Variants in OR9Q1 observed in about 807,000 individuals in gnomAD.
OR9Q1 encodes the protein olfactory receptor family 9 subfamily Q member 1.
For missense variants in OR9Q1, 374 were observed against 378.8 expected, an observed-to-expected ratio of 0.99 and a Z score of 0.11; for synonymous variants, 153 against 148.6, an observed-to-expected ratio of 1.03 and a Z score of -0.22.
intron 2 of OR9Q1, among the ~76,000 whole-genome samples, chr11:58,089,539 T>C (rs1853664830): frequency 6.6e-6 from 1 of 151,846 alleles, no homozygotes; most frequent in Admixed American, 6.6e-5. Flanking sequence ...AGTACCATGC[T>C]TTTTGATTAC....
chr11:58,105,747 A>G (rs192105118), intron 2 of OR9Q1, among the ~76,000 whole-genome samples: 33 of 152,250 alleles, frequency 2.2e-4, no homozygotes, highest in Non-Finnish European at 3.7e-4. Flanking sequence ...TCTGTGACTT[A>G]TTTGACTAAG....
intron 2 of OR9Q1, among the ~76,000 whole-genome samples, chr11:58,103,866 T>C (rs1024753599): frequency 3.3e-5 from 5 of 152,170 alleles, no homozygotes; most frequent in Non-Finnish European, 5.9e-5. Context: ...TAATCCATAT[T>C]AGTAGTGTTT....
At chr11:58,080,509 T>C (rs1232879484) in intron 2 of OR9Q1, among the ~76,000 whole-genome samples, 1 of 152,208 alleles carries the variant, frequency 6.6e-6, no homozygotes, top group Non-Finnish European at 1.5e-5. Context: ...AGATACCTAA[T>C]AGTGGGATTG....
At chr11:58,134,186 C>T (rs1425695929) in intron 2 of OR9Q1, among the ~76,000 whole-genome samples, 2 of 152,216 alleles carry the variant, frequency 1.3e-5, no homozygotes, top group Non-Finnish European at 2.9e-5. Context: ...ATTTCCATCA[C>T]TGAGGCTCTT....
chr11:58,069,451 C>T (rs1384883849), intron 2 of OR9Q1, among the ~76,000 whole-genome samples: 1 of 152,088 alleles, frequency 6.6e-6, no homozygotes, highest in Non-Finnish European at 1.5e-5. Context: ...CTCTCTTGCC[C>T]TGAGTACTGG....
chr11:58,131,820 T>C (rs1854144319), intron 2 of OR9Q1, among the ~76,000 whole-genome samples: 2 of 152,196 alleles, frequency 1.3e-5, no homozygotes, highest in Non-Finnish European at 2.9e-5. Context: ...GGGTGGCTTA[T>C]AGGCCTCTCC....
intron 2 of OR9Q1, among the ~76,000 whole-genome samples, chr11:58,111,802 T>A (rs1003411500): frequency 4.6e-5 from 7 of 152,140 alleles, no homozygotes; most frequent in African/African-American, 1.7e-4. Context: ...GAATTCTCAC[T>A]CCAATCTACT....
At chr11:58,097,247 C>A (rs1853741139) in intron 2 of OR9Q1, among the ~76,000 whole-genome samples, 1 of 152,154 alleles carries the variant, frequency 6.6e-6, no homozygotes, top group Non-Finnish European at 1.5e-5. Context: ...TGTCCATACA[C>A]ATTTGGGTTG....
At chr11:58,059,677 G>A (rs1354368758) in intron 2 of OR9Q1, among the ~76,000 whole-genome samples, 1 of 103,186 alleles carries the variant, frequency 9.7e-6, no homozygotes, top group Non-Finnish European at 1.8e-5. Context: ...GACTGAGTGA[G>A]GCTCTGTCTC....
intron 2 of OR9Q1, among the ~76,000 whole-genome samples, chr11:58,067,953 G>A (rs1032395448): frequency 2.0e-5 from 3 of 152,128 alleles, no homozygotes; most frequent in African/African-American, 7.2e-5. Context: ...ATTTCCCTAT[G>A]GGGGAGGGTA....
chr11:58,088,673 G>GT (rs1231386300), intron 2 of OR9Q1, among the ~76,000 whole-genome samples: 2 of 146,568 alleles, frequency 1.4e-5, no homozygotes, highest in Non-Finnish European at 3.1e-5. Context: ...GGGATTGTTT[G>GT]TTTTTTTTCT....
chr11:58,144,596 G>C (rs1452772136), intron 2 of OR9Q1: 1 of 152,120 alleles, frequency 6.6e-6, no homozygotes, highest in African/African-American at 2.4e-5. Flanking sequence ...TCACCATGGG[G>C]GGCAACCTGG....
chr11:58,081,316 C>A (rs1388408586), intron 2 of OR9Q1, among the ~76,000 whole-genome samples: 2 of 152,074 alleles, frequency 1.3e-5, no homozygotes, highest in Admixed American at 6.5e-5. Flanking sequence ...GATTTATCAT[C>A]CTTTGGGTAT....
At chr11:58,055,760 A>C (rs1163375848) in intron 1 of OR9Q1, 110 bp from the exon 2 acceptor site, 1 of 143,982 alleles carries the variant, frequency 6.9e-6, no homozygotes, top group Non-Finnish European at 1.5e-5. Flanking sequence ...TGATCGTACC[A>C]CTGTACTCCA....
intron 1 of OR9Q1, among the ~76,000 whole-genome samples, chr11:58,046,601 C>G (rs1209963314): frequency 6.6e-6 from 1 of 152,086 alleles, no homozygotes; most frequent in African/African-American, 2.4e-5. Flanking sequence ...GTGGCTCACA[C>G]CTGTAATTCC....
At chr11:58,112,026 G>A (rs1481925354) in intron 2 of OR9Q1, among the ~76,000 whole-genome samples, 1 of 152,152 alleles carries the variant, frequency 6.6e-6, no homozygotes, top group African/African-American at 2.4e-5. Flanking sequence ...GGTGGCTCAT[G>A]CCTGTAATCC....
intron 2 of OR9Q1, among the ~76,000 whole-genome samples, chr11:58,123,899 A>G (rs936759080): frequency 7.2e-5 from 11 of 152,116 alleles, no homozygotes; most frequent in Non-Finnish European, 1.6e-4. Flanking sequence ...TTCTTTCTTT[A>G]TAACTTGAGA....
intron 2 of OR9Q1, among the ~76,000 whole-genome samples, chr11:58,094,799 A>C (rs766909432): frequency 6.6e-6 from 1 of 152,240 alleles, no homozygotes; most frequent in Non-Finnish European, 1.5e-5. Flanking sequence ...CATGGTTCAC[A>C]GAATGACGTG....
intron 1 of OR9Q1, chr11:58,031,544 TGGAA>T (rs781142299): frequency 1.2e-6 from 2 of 1,614,142 alleles, no homozygotes; most frequent in Non-Finnish European, 8.5e-7. Flanking sequence ...AGATGTCACT[TGGAA>T]GGAGACTGTG....
Sources: allele counts gnomAD v4.1 joint callset (sites outside exome capture counted in the v4.1 genomes callset), GRCh38; gene constraint gnomAD v4.1.1; transcripts MANE v1.5; gene names NCBI Gene and HGNC (gene_info 2026-07-23, HGNC 2026-07-21).